The following TMEM131L variants were observed in gnomAD, a reference collection of about 807,000 sequenced individuals.
TMEM131L encodes transmembrane protein 131-like.
Under a neutral mutation model 192.2 loss-of-function variants are expected in TMEM131L, and 54 were observed. The ratio of observed to expected loss-of-function variants is 0.28; its 90% CI spans 0.23 to 0.35. TMEM131L has a LOEUF of 0.35. Ranked by LOEUF, TMEM131L falls within the 10% of genes least tolerant of loss-of-function variation. The probability of loss-of-function intolerance (pLI) is 1.00; values close to 1 mark genes in which losing one functional copy is unlikely to be tolerated. For missense variants in TMEM131L, 1,888 were observed against 1,972.9 expected, an observed-to-expected ratio of 0.96 and a Z score of 0.82; for synonymous variants, 701 against 704.9, an observed-to-expected ratio of 0.99 and a Z score of 0.09.
intron 3 of TMEM131L, among the ~76,000 whole-genome samples, chr4:153,544,260 CAG>C (rs1282588744): frequency 2.2e-4 from 34 of 152,356 alleles, no homozygotes; most frequent in Admixed American, 2.2e-3. Flanking sequence ...TGTTGTGTCT[CAG>C]ATCCCTGTTA....
rs1329794475 is a variant in TMEM131L, at chr4:153,589,121, C to T, written c.1670+114C>T. 1.3e-5 allele frequency: 8 copies of T among 633,262 alleles called. No individual in the cohort carries two copies. In the South Asian group the frequency reaches 1.3e-4, roughly 10 times the overall value. 39.2% of individuals were successfully genotyped at this position (633,262 alleles called of 1,614,324 possible). A position where few individuals can be genotyped will look rare whatever the true frequency, so the allele number is the denominator to read the frequency against. On this transcript the variant is annotated intron_variant, in intron 16 of 34. Coordinates refer to ENST00000409959, the MANE Select transcript of TMEM131L (RefSeq NM_001131007.2). ...CCCCCCTCTCACCCCACCGTAGATG[C>T]CTGAAACTGTAGCAGACCCTATATA...
Position 153,636,513 on chromosome 4 carries a change from C to A in TMEM131L, c.4770C>A (p.Thr1590=). 6.2e-7 allele frequency: 1 copy of A among 1,614,178 alleles called. No homozygotes were observed. Among genetic ancestry groups the A allele is most frequent in the Non-Finnish European group, 8.5e-7 (1 of 1,180,026 alleles). The change falls in exon 35 of 35, where the codon ACC becomes ACA. Residue 1590 remains threonine, a synonymous_variant. Transcript: ENST00000409959. ...ATATGAACCTGGACATATGGACTAC[C>A]ACAGCGAATAGGAATGCAAATTTCC... is the stretch of plus-strand genomic sequence containing the variant. The part of the protein sequence containing the change: ...RAYMNLDIWT[T]TANRNANFPL...
At position 153,557,068 on chromosome 4, in the gene TMEM131L, G is replaced by GGTA. The variant is rs1561189778; in HGVS notation, c.535_536insGTA (p.Val179delinsGlyIle). 1 of 1,491,158 alleles carries GGTA rather than the reference G, an allele frequency of 6.7e-7. No individual in the cohort carries two copies. The highest frequency in any genetic ancestry group is 9.3e-7 in the Non-Finnish European group (1 of 1,070,370). The allele number at this position is 1,491,158 out of a possible 1,614,324, so 92.4% of individuals were successfully genotyped here. On this transcript the variant is annotated protein_altering_variant, in exon 6 of 35. Transcript: ENST00000409959. ...ATTTATTAATACCTCTTCGTATGGA[G>GGTA]TCCTTTCCTATCATGTGAGTAACTT...
At chr4:153,473,355 T>G (rs1303994369) in intron 2 of TMEM131L, among the ~76,000 whole-genome samples, 1 of 152,182 alleles carries the variant, frequency 6.6e-6, no homozygotes, top group Admixed American at 6.5e-5. Context: ...AAAGCTGCGT[T>G]TGTCTTCTAA....
At chr4:153,511,190 A>AT in intron 3 of TMEM131L, among the ~76,000 whole-genome samples, 1 of 152,240 alleles carries the variant, frequency 6.6e-6, no homozygotes, top group Admixed American at 6.5e-5. Context: ...TTGTATGTTC[A>AT]TTGTAGCACT....
intron 2 of TMEM131L, among the ~76,000 whole-genome samples, chr4:153,470,982 T>C (rs75327524): frequency 1.4e-5 from 2 of 144,180 alleles, no homozygotes. Context: ...CGGTTTTTTT[T>C]GTTTGTTTTC....
chr4:153,490,922 C>A (rs184553204), intron 3 of TMEM131L, among the ~76,000 whole-genome samples: 11 of 146,162 alleles, frequency 7.5e-5, no homozygotes, highest in Non-Finnish European at 7.4e-5. Flanking sequence ...CCACTGCACT[C>A]CAGCCTGGGC....
intron 3 of TMEM131L, among the ~76,000 whole-genome samples, chr4:153,537,690 C>T (rs1736442253): frequency 6.6e-6 from 1 of 152,152 alleles, no homozygotes; most frequent in Non-Finnish European, 1.5e-5. Flanking sequence ...TCAGCAAGGC[C>T]TTTATGACCT....
At chr4:153,550,751 G>T (rs1561183603) in intron 4 of TMEM131L, among the ~76,000 whole-genome samples, 2 of 152,130 alleles carry the variant, frequency 1.3e-5, no homozygotes, top group Non-Finnish European at 2.9e-5. Flanking sequence ...GATGGTCTCT[G>T]AATTTTTGTA....
chr4:153,528,826 A>G (rs1447511723), intron 3 of TMEM131L, among the ~76,000 whole-genome samples: 1 of 152,100 alleles, frequency 6.6e-6, no homozygotes, highest in Non-Finnish European at 1.5e-5. Flanking sequence ...TGGGCCACAG[A>G]TAGGGTAGAC....
intron 3 of TMEM131L, among the ~76,000 whole-genome samples, chr4:153,508,919 C>G (rs1395249077): frequency 6.6e-6 from 1 of 152,030 alleles, no homozygotes; most frequent in African/African-American, 2.4e-5. Context: ...TCTAGGATTA[C>G]AGGCATGAGC....
chr4:153,593,956 T>C, intron 19 of TMEM131L, 85 bp downstream of exon 19: 1 of 891,524 alleles, frequency 1.1e-6, no homozygotes, highest in South Asian at 1.4e-5. Flanking sequence ...ATGTTTAAAA[T>C]GTCTTTTATT....
intron 17 of TMEM131L, among the ~76,000 whole-genome samples, chr4:153,591,530 C>A (rs1412761012): frequency 6.6e-6 from 1 of 152,160 alleles, no homozygotes; most frequent in Non-Finnish European, 1.5e-5. Flanking sequence ...CTCTGTGATG[C>A]CATCAGGGAC....
At chr4:153,580,687 C>A in intron 7 of TMEM131L, 139 bp from the exon 8 acceptor site, 1 of 583,036 alleles carries the variant, frequency 1.7e-6, no homozygotes, top group Non-Finnish European at 3.1e-6. Flanking sequence ...AAGAATAATG[C>A]CCAGCATTTA....
chr4:153,525,888 C>T (rs763642995), intron 3 of TMEM131L, among the ~76,000 whole-genome samples: 1 of 151,644 alleles, frequency 6.6e-6, no homozygotes, highest in African/African-American at 2.4e-5. Context: ...GATGGAGTCT[C>T]GCTCTGTCGC....
At chr4:153,502,280 C>T (rs1733672866) in intron 3 of TMEM131L, among the ~76,000 whole-genome samples, 2 of 152,166 alleles carry the variant, frequency 1.3e-5, no homozygotes, top group Non-Finnish European at 2.9e-5. Flanking sequence ...AGAACTTAGT[C>T]ATATGGTTGC....
chr4:153,488,021 G>T (rs1334961074), intron 3 of TMEM131L, among the ~76,000 whole-genome samples: 1 of 143,964 alleles, frequency 6.9e-6, no homozygotes, highest in Non-Finnish European at 1.5e-5. Context: ...AGAGACTCTT[G>T]TGAGCCTATG....
chr4:153,478,861 C>T (rs982479454), intron 3 of TMEM131L, among the ~76,000 whole-genome samples: 2 of 151,600 alleles, frequency 1.3e-5, no homozygotes, highest in East Asian at 1.9e-4. Context: ...AACTACCCCA[C>T]GATACCAGCT....
intron 1 of TMEM131L, among the ~76,000 whole-genome samples, chr4:153,466,996 C>T (rs1730801541): frequency 6.6e-6 from 1 of 152,152 alleles, no homozygotes; most frequent in Non-Finnish European, 1.5e-5. Context: ...CCGAGCCTGC[C>T]TGCACGCTGT....
Sources: allele counts gnomAD v4.1 joint callset (sites outside exome capture counted in the v4.1 genomes callset), GRCh38; gene constraint gnomAD v4.1.1; transcripts MANE v1.5; gene names NCBI Gene and HGNC (gene_info 2026-07-23, HGNC 2026-07-21).